SETD2: variants seen among roughly 807,000 people sequenced by gnomAD.
SETD2 encodes SET domain containing 2, histone lysine methyltransferase, also known as histone-lysine N-methyltransferase SETD2.
SETD2 carries 31 observed loss-of-function variants against 242.1 expected under a neutral mutation model. That is an observed-to-expected ratio of 0.13 (90% CI 0.10 to 0.17). SETD2 has a LOEUF of 0.17. SETD2 is among the 10% of genes least tolerant of loss of function. The probability of loss-of-function intolerance (pLI) is 1.00; values close to 1 mark genes in which losing one functional copy is unlikely to be tolerated. For synonymous variants in SETD2, 1,006 were observed against 1,066.5 expected (o/e 0.94, Z 1.11); for missense variants, 2,481 against 3,046.3 (o/e 0.81, Z 4.37).
chr3:47,020,554 C>T (rs2038171787), intron 18 of SETD2, among the ~76,000 whole-genome samples: 1 of 152,164 alleles, frequency 6.6e-6, no homozygotes, highest in Admixed American at 6.5e-5. Context: ...AGGTACTGCA[C>T]CAGGAGGCGA....
chr3:47,141,825 T>C (rs1191106737), intron 1 of SETD2, among the ~76,000 whole-genome samples: 1 of 152,098 alleles, frequency 6.6e-6, no homozygotes, highest in Non-Finnish European at 1.5e-5. Flanking sequence ...GCAATAAAAA[T>C]AGCCATTGTT....
chr3:47,143,897 A>T (rs1414895618), intron 1 of SETD2, among the ~76,000 whole-genome samples: 1 of 152,092 alleles, frequency 6.6e-6, no homozygotes, highest in African/African-American at 2.4e-5. Flanking sequence ...CTTTTAGTAG[A>T]GACGGGGTTT....
At chr3:47,039,554 A>G (rs1356501257) in intron 17 of SETD2, among the ~76,000 whole-genome samples, 3 of 151,148 alleles carry the variant, frequency 2.0e-5, no homozygotes, top group Admixed American at 6.6e-5. Flanking sequence ...AATATTTAAA[A>G]TTTGTTTTGG....
Position 47,124,389 on chromosome 3 carries a change from T to C in SETD2, c.247A>G (p.Thr83Ala). Residue 83 changes from threonine (T) to alanine (A), a missense_variant, in exon 3 of 21, where the codon ACT becomes GCT. This residue lies in a region of SETD2 where 334 missense variants were observed against 374.5 expected (regional missense o/e 0.89). Transcript: ENST00000409792. The part of the protein sequence containing the change: ...VSFSFSLTKK[T>A]LQNRFLTALG... Reference sequence around the variant, plus strand: ...GCAGTGAGAAACCTATTCTGCAAAGTTTTCTTTGTAAGGCTGAAGCTGAAT... The same window carrying C: ...GCAGTGAGAAACCTATTCTGCAAAGCTTTCTTTGTAAGGCTGAAGCTGAAT... 6.4e-7 allele frequency: 1 copy of C among 1,551,980 alleles called. No individual in the cohort carries two copies. The highest frequency in any genetic ancestry group is 1.4e-5 in the African/African-American group (1 of 73,158).
intron 6 of SETD2, among the ~76,000 whole-genome samples, chr3:47,104,823 A>C (rs572278342): frequency 6.6e-6 from 1 of 152,312 alleles, no homozygotes; most frequent in Admixed American, 6.5e-5. Flanking sequence ...TGTAATCCCA[A>C]CGCTCTGGGA....
At chr3:47,054,869 A>G (rs1016270490) in intron 15 of SETD2, among the ~76,000 whole-genome samples, 8 of 152,160 alleles carry the variant, frequency 5.3e-5, no homozygotes, top group Non-Finnish European at 8.8e-5. Flanking sequence ...TTATGTATGT[A>G]TATGTATATG....
chr3:47,068,856 T>A (rs2040689595), intron 12 of SETD2, among the ~76,000 whole-genome samples: 2 of 152,062 alleles, frequency 1.3e-5, no homozygotes, highest in Admixed American at 1.3e-4. Context: ...TGGAGTGCAG[T>A]GGTGCGATCT....
intron 15 of SETD2, among the ~76,000 whole-genome samples, chr3:47,049,345 A>T (rs867207380): frequency 5.4e-5 from 6 of 111,184 alleles, no homozygotes; most frequent in African/African-American, 2.3e-4. Context: ...ATATATATAT[A>T]TATGTATTCT....
At chr3:47,025,737 C>G (rs1056458850) in intron 18 of SETD2, among the ~76,000 whole-genome samples, 25 of 152,318 alleles carry the variant, frequency 1.6e-4, no homozygotes, top group African/African-American at 6.0e-4. Flanking sequence ...CTATACATCT[C>G]AAACCATGTA....
In SETD2 at chr3:47,122,481, T is replaced by G. The variant is rs115859828; in HGVS notation, c.2155A>C (p.Asn719His). 1 of 1,614,178 alleles carries G rather than the reference T, an allele frequency of 6.2e-7. No individual in the cohort carries two copies. The highest frequency in any genetic ancestry group is 1.1e-5 in the South Asian group (1 of 91,086). ...CACCTACTAATATTCTGAAATCCATTTGATGAAAGCATGCATGCTTTGACC... is the reference window on the plus strand; with the variant it reads ...CACCTACTAATATTCTGAAATCCATGTGATGAAAGCATGCATGCTTTGACC... ...PLVKACMLSS[N>H]GFQNISRCKE... The change falls in exon 3 of 21, where the codon AAT becomes CAT. Residue 719 changes from asparagine (N) to histidine (H), a missense_variant. Transcript: ENST00000409792.
intron 1 of SETD2, among the ~76,000 whole-genome samples, chr3:47,143,006 T>C (rs1347197216): frequency 6.6e-6 from 1 of 151,926 alleles, no homozygotes; most frequent in Admixed American, 6.5e-5. Flanking sequence ...AAAATGAAAG[T>C]TGGGGCTGGG....
intron 18 of SETD2, among the ~76,000 whole-genome samples, chr3:47,032,553 A>C (rs75732441): frequency 0.031 from 4,762 of 152,218 alleles, 228 homozygotes; most frequent in East Asian, 0.13. Flanking sequence ...ACAAAAAAAA[A>C]CCAGAATACT....
At chr3:47,117,261 C>CA (rs5848820) in intron 3 of SETD2, among the ~76,000 whole-genome samples, 2,445 of 66,088 alleles carry the variant, frequency 0.037, 58 homozygotes, top group African/African-American at 0.13. Flanking sequence ...CCTGCATTAC[C>CA]AAAAAAAAAA....
chr3:47,150,177 C>CT (rs1166798694), intron 1 of SETD2, among the ~76,000 whole-genome samples: 1 of 151,770 alleles, frequency 6.6e-6, no homozygotes, highest in Non-Finnish European at 1.5e-5. Context: ...CTCCAGGCAC[C>CT]TGCCACCACG....
chr3:47,053,238 T>C (rs2039924860), intron 15 of SETD2, among the ~76,000 whole-genome samples: 1 of 152,124 alleles, frequency 6.6e-6, no homozygotes, highest in Non-Finnish European at 1.5e-5. Flanking sequence ...GAAGGTCCAA[T>C]AGGTTATAGA....
At chr3:47,109,004 C>G (rs2042549008) in intron 5 of SETD2, among the ~76,000 whole-genome samples, 1 of 152,134 alleles carries the variant, frequency 6.6e-6, no homozygotes, top group Non-Finnish European at 1.5e-5. Flanking sequence ...TCTTATTAAT[C>G]TTTTTCTAAG....
At chr3:47,090,222 G>A (rs1180074959) in intron 9 of SETD2, among the ~76,000 whole-genome samples, 1 of 151,972 alleles carries the variant, frequency 6.6e-6, no homozygotes, top group African/African-American at 2.4e-5. Context: ...ACTCTAGCCT[G>A]AGCGACAGAG....
At position 47,124,560 on chromosome 3, in the gene SETD2, C is replaced by G. The variant is rs1471027318; in HGVS notation, c.88-12G>C. On this transcript the variant is annotated splice_polypyrimidine_tract_variant and intron_variant, in intron 2 of 20. Coordinates refer to ENST00000409792, the MANE Select transcript of SETD2 (RefSeq NM_014159.7). ...TTTTCAATCTTTGCCTACAAATGAA[C>G]AAAATAAGCAATTACTACTACAATA... is the stretch of plus-strand genomic sequence containing the variant. 19 of 1,526,332 alleles carry G rather than the reference C, an allele frequency of 1.2e-5. No individual in the cohort carries two copies. Among genetic ancestry groups the G allele is most frequent in the Non-Finnish European group, 1.7e-5 (19 of 1,132,748 alleles). The allele number at this position is 1,526,332 out of a possible 1,614,324, so 94.5% of individuals were successfully genotyped here. A position where few individuals can be genotyped will look rare whatever the true frequency, so the allele number is the denominator to read the frequency against.
intron 9 of SETD2, 30 bp from the exon 10 acceptor site, chr3:47,088,277 TA>T: frequency 1.3e-6 from 2 of 1,544,562 alleles, no homozygotes; most frequent in Non-Finnish European, 8.7e-7. Flanking sequence ...TACCTTTTTA[TA>T]AAACAACAAC....
Sources: allele counts gnomAD v4.1 joint callset (sites outside exome capture counted in the v4.1 genomes callset), GRCh38; gene constraint gnomAD v4.1.1; regional missense constraint gnomAD v4.1.1; transcripts MANE v1.5; gene names NCBI Gene and HGNC (gene_info 2026-07-23, HGNC 2026-07-21).